Variants in CCDC138 observed in about 807,000 individuals in gnomAD.
CCDC138 encodes the protein coiled-coil domain-containing protein 138.
Under a neutral mutation model 82.3 loss-of-function variants are expected in CCDC138, and 66 were observed. The observed-to-expected ratio is 0.80, with a 90% CI of 0.66 to 0.98. The LOEUF (loss-of-function observed/expected upper bound fraction) is 0.98, where lower values mean the gene tolerates loss of function less well. Among genes scored for constraint, CCDC138 ranks in the 50% least tolerant of loss-of-function variants. The pLI is 0.00. For synonymous variants in CCDC138, 297 were observed against 265.4 expected, an observed-to-expected ratio of 1.12 and a Z score of -1.16; for missense variants, 816 against 758.9, an observed-to-expected ratio of 1.08 and a Z score of -0.88.
At chr2:108,807,336 T>TA (rs1683037812) in intron 7 of CCDC138, among the ~76,000 whole-genome samples, 1 of 152,176 alleles carries the variant, frequency 6.6e-6, no homozygotes, top group Admixed American at 6.5e-5. Context: ...AACTAAAAAA[T>TA]ACATCAATTG....
intron 12 of CCDC138, among the ~76,000 whole-genome samples, chr2:108,855,817 A>G (rs1692506856): frequency 6.6e-6 from 1 of 152,244 alleles, no homozygotes; most frequent in Admixed American, 6.5e-5. Flanking sequence ...GAAATGCAAC[A>G]TGAAGCTACA....
At chr2:108,790,290 T>C (rs1679692996) in intron 3 of CCDC138, among the ~76,000 whole-genome samples, 1 of 152,178 alleles carries the variant, frequency 6.6e-6, no homozygotes, top group African/African-American at 2.4e-5. Context: ...ATGGAAATTA[T>C]TTTCTTTTTA....
In CCDC138 at chr2:108,804,992, A is replaced by T; in HGVS notation, c.839A>T (p.Asp280Val). 6.5e-7 allele frequency: 1 copy of T among 1,538,364 alleles called. No homozygotes were observed. Among genetic ancestry groups the T allele is most frequent in the Non-Finnish European group, 8.7e-7 (1 of 1,148,350 alleles). ...SSFDALKELN[D>V]TLKKQLNEAS... is the part of the protein sequence containing the mutation. The stretch of plus-strand genomic sequence containing the variant: ...TTTGATGCATTGAAAGAATTGAATG[A>T]TACCTTAAAAAAACAGGTAAGACCT... Residue 280 changes from aspartate to valine, a missense_variant, in exon 7 of 15, where the codon GAT (aspartate) becomes GTT (valine). By Grantham distance (152) the Asp-to-Val change is radical. Transcript: ENST00000295124.
intron 13 of CCDC138, among the ~76,000 whole-genome samples, chr2:108,864,913 A>C (rs1694184657): frequency 2.0e-5 from 3 of 151,924 alleles, no homozygotes; most frequent in Non-Finnish European, 4.4e-5. Context: ...CTGAGCTATT[A>C]ACATGCCACT....
At chr2:108,792,919 C>T (rs2149447331) in intron 4 of CCDC138, among the ~76,000 whole-genome samples, 1 of 143,766 alleles carries the variant, frequency 7.0e-6, no homozygotes, top group Non-Finnish European at 1.5e-5. Flanking sequence ...AAAAAATTAG[C>T]CAGGCATGGT....
At chr2:108,854,767 A>G (rs981851691) in intron 12 of CCDC138, among the ~76,000 whole-genome samples, 4 of 152,104 alleles carry the variant, frequency 2.6e-5, no homozygotes, top group African/African-American at 9.7e-5. Context: ...TTATAGGTGA[A>G]GAGTATATAG....
chr2:108,837,924 A>ATT (rs772581537), intron 10 of CCDC138, among the ~76,000 whole-genome samples: 1 of 144,720 alleles, frequency 6.9e-6, no homozygotes, highest in African/African-American at 2.5e-5. Flanking sequence ...AATTTTTTCG[A>ATT]TTTTTTTTTT....
At chr2:108,834,023 G>A (rs1191335967) in intron 10 of CCDC138, among the ~76,000 whole-genome samples, 1 of 148,630 alleles carries the variant, frequency 6.7e-6, no homozygotes, top group African/African-American at 2.5e-5. Context: ...TGGGATTACA[G>A]GCGTGAGCCA....
At position 108,812,595 on chromosome 2, in the gene CCDC138, T is replaced by A. The variant is rs1684054162; in HGVS notation, c.856-36T>A. 2.0e-6 allele frequency: 3 copies of A among 1,473,586 alleles called. No homozygotes were observed. The African/African-American group carries it at 4.1e-5, about 20-fold the overall frequency. The allele number at this position is 1,473,586 out of a possible 1,614,324, so 91.3% of individuals were successfully genotyped here. Reference sequence around the variant, plus strand: ...CCCTTAGTATGAAACCAGTTGAAGGTGTATATTGAAATATCTAACTTTTTC... The same window carrying A: ...CCCTTAGTATGAAACCAGTTGAAGGAGTATATTGAAATATCTAACTTTTTC... On this transcript the variant is annotated intron_variant, in intron 7 of 14. Transcript: ENST00000295124.
intron 13 of CCDC138, among the ~76,000 whole-genome samples, chr2:108,863,072 GGTT>G (rs1276842706): frequency 8.5e-5 from 13 of 152,184 alleles, no homozygotes; most frequent in African/African-American, 2.4e-4. Flanking sequence ...TGCAATATTA[GGTT>G]GTTAATTTGA....
At chr2:108,811,927 A>T (rs1415054857) in intron 7 of CCDC138, among the ~76,000 whole-genome samples, 1 of 152,142 alleles carries the variant, frequency 6.6e-6, no homozygotes, top group Non-Finnish European at 1.5e-5. Flanking sequence ...AGCTCCATCC[A>T]TGTTGCTGCA....
intron 5 of CCDC138, among the ~76,000 whole-genome samples, chr2:108,798,030 G>A (rs1332805634): frequency 1.3e-5 from 2 of 151,020 alleles, no homozygotes; most frequent in Non-Finnish European, 2.9e-5. Flanking sequence ...TGATCAGTGT[G>A]CTAATCTAGA....
downstream of CCDC138, among the ~76,000 whole-genome samples, chr2:108,880,714 ATACTT>A (rs977718987): frequency 3.3e-5 from 5 of 152,180 alleles, no homozygotes; most frequent in African/African-American, 1.2e-4. Context: ...CATTTCCTGA[ATACTT>A]TAAGCCTGCT....
chr2:108,863,036 T>A (rs1249421065), intron 13 of CCDC138, among the ~76,000 whole-genome samples: 1 of 152,250 alleles, frequency 6.6e-6, no homozygotes, highest in Non-Finnish European at 1.5e-5. Flanking sequence ...TAGAACTTAC[T>A]TCTGAATATA....
rs376424460 is a variant in CCDC138, at chr2:108,840,313, CTT to C, written c.1323+1014_1323+1015del. Among the ~76,000 whole-genome samples, 742 of 152,066 alleles carry C rather than the reference CTT, an allele frequency of 4.9e-3. 8 individuals are homozygous for C. The highest frequency in any genetic ancestry group is 0.015 in the African/African-American group (611 of 41,510). On this transcript the variant is annotated intron_variant, in intron 11 of 14. Coordinates refer to ENST00000295124, the MANE Select transcript of CCDC138 (RefSeq NM_144978.3). ...ATATTTGTCTATAGTTTTGAACTCT[CTT>C]TGGTTTTGTATCAGGGCAATATTAG...
At chr2:108,811,158 AC>A (rs1683757920) in intron 7 of CCDC138, among the ~76,000 whole-genome samples, 3 of 95,556 alleles carry the variant, frequency 3.1e-5, no homozygotes, top group Non-Finnish European at 6.3e-5. Context: ...TGCCTTCCCT[AC>A]CCCCCTAACC....
At position 108,824,615 on chromosome 2, in the gene CCDC138, CTG is replaced by C. The variant is rs573184748; in HGVS notation, c.1206+8512_1206+8513del. On this transcript the variant is annotated intron_variant, in intron 10 of 14. Coordinates refer to ENST00000295124, the MANE Select transcript of CCDC138 (RefSeq NM_144978.3). ...ATTTAACTTTTTTTTAAAAAAATAA[CTG>C]TAAGGAGTACATCTAAAATAATGAT... 1.4e-3 allele frequency among the ~76,000 whole-genome samples: 213 copies of C among 152,250 alleles called. 1 individual carries two copies. Among genetic ancestry groups the C allele is most frequent in the Non-Finnish European group, 2.7e-3 (187 of 68,016 alleles).
intron 12 of CCDC138, 76 bp downstream of exon 12, chr2:108,847,006 C>G: frequency 1.2e-6 from 1 of 813,846 alleles, no homozygotes; most frequent in East Asian, 2.5e-5. Context: ...ATTCTTTTAT[C>G]AAATATGTTG....
Position 108,860,935 on chromosome 2 carries a change from CTTTTTTTTTT to C in CCDC138, c.1693+3979_1693+3988del, listed in dbSNP as rs70956282. On this transcript the variant is annotated intron_variant, in intron 13 of 14. Transcript: ENST00000295124. ...GGCTGTGAATCCATCTGGTCCAGGA[CTTTTTTTTTT>C]TTTTTTTTTTTTTGGTTGGTAAGGT... Among the ~76,000 whole-genome samples the C allele has an allele frequency of 3.7e-4, 14 of 37,934 alleles. 1 individual carries two copies. Among genetic ancestry groups the C allele is most frequent in the East Asian group, 9.2e-4 (1 of 1,090 alleles). 24.9% of individuals were successfully genotyped at this position (37,934 alleles called of 152,430 possible).
Sources: allele counts gnomAD v4.1 joint callset (sites outside exome capture counted in the v4.1 genomes callset), GRCh38; gene constraint gnomAD v4.1.1; transcripts MANE v1.5; gene names NCBI Gene and HGNC (gene_info 2026-07-23, HGNC 2026-07-21).